Variants in NCALD observed in about 807,000 individuals in gnomAD.
NCALD encodes neurocalcin-delta.
In NCALD, 10 loss-of-function variants were observed where a neutral mutation model predicts 18.6. The observed-to-expected ratio is 0.54, with a 90% CI of 0.33 to 0.91. NCALD has a LOEUF of 0.91. Ranked by LOEUF, NCALD falls within the 40% of genes least tolerant of loss-of-function variation. The pLI is 0.03. For synonymous variants in NCALD, 88 were observed against 87.4 expected, an observed-to-expected ratio of 1.01 and a Z score of -0.04; for missense variants, 184 against 247.6, an observed-to-expected ratio of 0.74 and a Z score of 1.72.
intron 4 of NCALD, among the ~76,000 whole-genome samples, chr8:101,821,129 C>T (rs1813703194): frequency 6.6e-6 from 1 of 152,202 alleles, no homozygotes; most frequent in Non-Finnish European, 1.5e-5. Context: ...AGTTGATTTT[C>T]CCTGCAGAAA....
intron 3 of NCALD, among the ~76,000 whole-genome samples, chr8:101,890,756 T>C (rs1816842704): frequency 6.6e-6 from 1 of 152,222 alleles, no homozygotes; most frequent in Admixed American, 6.5e-5. Context: ...TTTCTATTAG[T>C]TATAAATTAC....
chr8:101,988,522 T>C (rs1374065914), intron 2 of NCALD, among the ~76,000 whole-genome samples: 1 of 152,236 alleles, frequency 6.6e-6, no homozygotes, highest in African/African-American at 2.4e-5. Context: ...TATTAGTTAA[T>C]TCAAAAGGTT....
intron 2 of NCALD, among the ~76,000 whole-genome samples, chr8:102,009,946 A>C (rs1821847687): frequency 6.6e-6 from 1 of 152,256 alleles, no homozygotes; most frequent in Non-Finnish European, 1.5e-5. Flanking sequence ...GGCAACTGTA[A>C]GGCCCCACTG....
At chr8:101,826,006 T>C (rs1428526202) in intron 4 of NCALD, among the ~76,000 whole-genome samples, 2 of 152,250 alleles carry the variant, frequency 1.3e-5, no homozygotes, top group Middle Eastern at 3.2e-3. Flanking sequence ...TTGTCCCTTA[T>C]GGCTTTTGTT....
At chr8:101,845,868 C>T (rs956138876) in intron 4 of NCALD, among the ~76,000 whole-genome samples, 1 of 152,172 alleles carries the variant, frequency 6.6e-6, no homozygotes, top group Admixed American at 6.5e-5. Flanking sequence ...AACTATCAGC[C>T]ATTCCACTCT....
At chr8:102,041,734 G>T (rs1823056937) in intron 1 of NCALD, among the ~76,000 whole-genome samples, 15 of 152,104 alleles carry the variant, frequency 9.9e-5, no homozygotes, top group African/African-American at 2.9e-4. Flanking sequence ...TGATTTTTGA[G>T]CTCAGAATTC....
chr8:102,083,157 A>G (rs1824607078), intron 1 of NCALD, among the ~76,000 whole-genome samples: 1 of 152,260 alleles, frequency 6.6e-6, no homozygotes, highest in African/African-American at 2.4e-5. Flanking sequence ...ATGAGTTCAT[A>G]AAACCTGACT....
At chr8:101,809,427 C>T (rs560183355) in intron 4 of NCALD, among the ~76,000 whole-genome samples, 9 of 152,294 alleles carry the variant, frequency 5.9e-5, no homozygotes, top group African/African-American at 1.9e-4. Context: ...CCACAAATCA[C>T]CTCTTTATAT....
intron 1 of NCALD, among the ~76,000 whole-genome samples, chr8:102,051,659 G>A (rs1193002534): frequency 1.3e-5 from 2 of 152,204 alleles, no homozygotes; most frequent in Non-Finnish European, 2.9e-5. Flanking sequence ...AACTGCTGCT[G>A]CTTTTCCAAT....
At chr8:101,938,984 G>A (rs1391570205) in intron 2 of NCALD, among the ~76,000 whole-genome samples, 1 of 152,214 alleles carries the variant, frequency 6.6e-6, no homozygotes, top group Non-Finnish European at 1.5e-5. Context: ...TTAAGTCTGA[G>A]ATCTATCAGT....
chr8:101,949,939 AG>A (rs1267131066), intron 2 of NCALD, among the ~76,000 whole-genome samples: 3 of 152,222 alleles, frequency 2.0e-5, no homozygotes, highest in African/African-American at 7.2e-5. Context: ...ACCATCCATC[AG>A]GCACTTCATC....
intron 2 of NCALD, among the ~76,000 whole-genome samples, chr8:102,012,454 C>T (rs940465754): frequency 1.3e-4 from 20 of 152,174 alleles, no homozygotes; most frequent in Admixed American, 1.3e-3. Flanking sequence ...TAAGAGTTTC[C>T]AAATCAGCAT....
intron 1 of NCALD, among the ~76,000 whole-genome samples, chr8:101,773,391 C>T (rs1811664666): frequency 6.6e-6 from 1 of 152,206 alleles, no homozygotes; most frequent in African/African-American, 2.4e-5. Context: ...CCACTCTGTG[C>T]AAATGTTCCC....
chr8:101,941,792 G>T (rs1818967425), intron 2 of NCALD, among the ~76,000 whole-genome samples: 1 of 152,160 alleles, frequency 6.6e-6, no homozygotes, highest in Non-Finnish European at 1.5e-5. Context: ...AAATAAGATT[G>T]TTTGATATCA....
rs869241027 is a variant in NCALD at position 101,730,479 on chromosome 8, CAAAAAAAAAAA to C, written c.-19-10842_-19-10832del. ...TGGGCAACAGAGCGAGACTCCATCT[CAAAAAAAAAAA>C]AAAAAAAAAAAAAAGAATACTGTGG... is the stretch of plus-strand genomic sequence containing the variant. On this transcript the variant is annotated intron_variant, in intron 1 of 3. Transcript: ENST00000220931. 2.3e-3 allele frequency among the ~76,000 whole-genome samples: 101 copies of C among 43,674 alleles called. 3 individuals are homozygous for C. The highest frequency in any genetic ancestry group is 2.0e-3 in the Non-Finnish European group (47 of 22,942). The allele number at this position is 43,674 out of a possible 152,430, so 28.7% of individuals were successfully genotyped here.
chr8:101,939,987 G>A (rs996836249), intron 2 of NCALD, among the ~76,000 whole-genome samples: 1 of 152,218 alleles, frequency 6.6e-6, no homozygotes, highest in Non-Finnish European at 1.5e-5. Flanking sequence ...ATCTCTGAGA[G>A]CCAACTCAGC....
chr8:101,829,973 GGTTT>G (rs1012583731), intron 4 of NCALD, among the ~76,000 whole-genome samples: 6 of 98,080 alleles, frequency 6.1e-5, no homozygotes, highest in African/African-American at 1.8e-4. Flanking sequence ...CAGTCACATG[GGTTT>G]TTTTTTTTTT....
chr8:101,826,082 G>T (rs557087693), intron 4 of NCALD, among the ~76,000 whole-genome samples: 1 of 152,122 alleles, frequency 6.6e-6, no homozygotes, highest in Non-Finnish European at 1.5e-5. Flanking sequence ...TTGGAAGGTA[G>T]AGAAAAGCAC....
At chr8:101,718,901 A>G (rs1816215288) in intron 2 of NCALD, among the ~76,000 whole-genome samples, 1 of 152,234 alleles carries the variant, frequency 6.6e-6, no homozygotes, top group African/African-American at 2.4e-5. Flanking sequence ...AAGAGTCTTC[A>G]TCTGTATGGT....
Sources: allele counts gnomAD v4.1 joint callset (sites outside exome capture counted in the v4.1 genomes callset), GRCh38; gene constraint gnomAD v4.1.1; transcripts MANE v1.5; gene names NCBI Gene and HGNC (gene_info 2026-07-23, HGNC 2026-07-21).